The following PIAS1 variants were observed in gnomAD, a reference collection of about 807,000 sequenced individuals.
The protein encoded by PIAS1 is protein inhibitor of activated STAT 1, also known as E3 SUMO-protein ligase PIAS1.
A neutral mutation model predicts 71.3 loss-of-function variants in PIAS1; 6 were observed. The observed-to-expected ratio is 0.08, with a 90% CI of 0.05 to 0.17. The LOEUF is 0.17. PIAS1 is among the 10% of genes least tolerant of loss of function. The pLI is 1.00. For synonymous variants in PIAS1, 303 were observed against 292.9 expected, an observed-to-expected ratio of 1.03 and a Z score of -0.35; for missense variants, 555 against 793.6, an observed-to-expected ratio of 0.70 and a Z score of 3.61.
At chr15:68,074,506 TTGAG>T (rs1282124221) in intron 1 of PIAS1, among the ~76,000 whole-genome samples, 1 of 152,304 alleles carries the variant, frequency 6.6e-6, no homozygotes, top group East Asian at 1.9e-4. Context: ...ATTGGCTGCA[TTGAG>T]TATTTGGAGA....
At chr15:68,074,024 T>G (rs2092129641) in intron 1 of PIAS1, among the ~76,000 whole-genome samples, 1 of 151,978 alleles carries the variant, frequency 6.6e-6, no homozygotes, top group Non-Finnish European at 1.5e-5. Context: ...GACGGGTGAT[T>G]AGGTGGATGG....
chr15:68,123,973 T>C (rs1057088230), intron 2 of PIAS1, among the ~76,000 whole-genome samples: 5 of 39,558 alleles, frequency 1.3e-4, no homozygotes, highest in African/African-American at 4.3e-4. Flanking sequence ...TGTATACATA[T>C]GTGTGAATAT....
chr15:68,172,758 T>C (rs1029537977), intron 8 of PIAS1, among the ~76,000 whole-genome samples: 1 of 152,260 alleles, frequency 6.6e-6, no homozygotes, highest in Non-Finnish European at 1.5e-5. Flanking sequence ...TGCAGGTTTC[T>C]GCGTGGCTTT....
chr15:68,183,182 A>C (rs1354312809), intron 12 of PIAS1, among the ~76,000 whole-genome samples: 1 of 152,144 alleles, frequency 6.6e-6, no homozygotes, highest in African/African-American at 2.4e-5. Context: ...TTAAGAAAGA[A>C]AAATCAGTAC....
In PIAS1 at chr15:68,192,610, G is replaced by T. The variant is rs1376159037; in HGVS notation, c.*4775G>T. 1 of 152,204 alleles carries T rather than the reference G, an allele frequency of 6.6e-6. No homozygotes were observed. The highest frequency in any genetic ancestry group is 2.4e-5 in the African/African-American group (1 of 41,430). 9.4% of individuals were successfully genotyped at this position (152,204 alleles called of 1,614,324 possible). On this transcript the variant is annotated 3_prime_UTR_variant, in exon 14 of 14. Coordinates refer to ENST00000249636, the MANE Select transcript of PIAS1 (RefSeq NM_016166.3). ...TCTCCTTCCTCAGGGCCTTGTTTGG[G>T]TCTGAAGCCACACAGCATCGTTGAG...
Position 68,178,651 on chromosome 15 carries a change from A to G in PIAS1, c.1481+1997A>G, listed in dbSNP as rs748738235. 3.9e-5 allele frequency among the ~76,000 whole-genome samples: 6 copies of G among 152,212 alleles called. No individual in the cohort carries two copies. The East Asian group carries it at 5.8e-4, about 15-fold the overall frequency. ...GATTTTTTTAAGTGCCATAATCACA[A>G]TTTTAAAAGATATTTCATAAACCTC... On this transcript the variant is annotated intron_variant, in intron 11 of 13. Coordinates refer to ENST00000249636, the MANE Select transcript of PIAS1 (RefSeq NM_016166.3). The surrounding 1 kb of genome is among the most constrained non-coding windows in gnomAD (Gnocchi z 4.2).
intron 2 of PIAS1, among the ~76,000 whole-genome samples, chr15:68,108,315 TC>T (rs371359259): frequency 6.6e-6 from 1 of 151,838 alleles, no homozygotes; most frequent in Non-Finnish European, 1.5e-5. Context: ...TGATCTGTTC[TC>T]AGTCTCCAGG....
intron 1 of PIAS1, among the ~76,000 whole-genome samples, chr15:68,082,085 T>G (rs1303037926): frequency 2.0e-5 from 3 of 152,116 alleles, no homozygotes; most frequent in Non-Finnish European, 4.4e-5. Context: ...CTTCAAAATC[T>G]TGACACAACA....
At chr15:68,122,340 C>T (rs765954871) in intron 2 of PIAS1, among the ~76,000 whole-genome samples, 3 of 152,084 alleles carry the variant, frequency 2.0e-5, no homozygotes, top group Non-Finnish European at 2.9e-5. Flanking sequence ...GCGTTGAATA[C>T]TGTGGTGAAC....
In PIAS1 at chr15:68,189,258, C is replaced by T. The variant is rs770229438; in HGVS notation, c.*1423C>T. 2.0e-5 allele frequency: 3 copies of T among 152,124 alleles called. No individual in the cohort carries two copies. Among genetic ancestry groups the T allele is most frequent in the Non-Finnish European group, 4.4e-5 (3 of 68,018 alleles). 9.4% of individuals were successfully genotyped at this position (152,124 alleles called of 1,614,324 possible). ...GTGGTTCTACTAATGTTCCAAAATC[C>T]TCATCAGAGAAGGTATGATGTTCTC... is the stretch of plus-strand genomic sequence containing the variant. On this transcript the variant is annotated 3_prime_UTR_variant, in exon 14 of 14. Coordinates refer to ENST00000249636, the MANE Select transcript of PIAS1 (RefSeq NM_016166.3).
intron 7 of PIAS1, among the ~76,000 whole-genome samples, chr15:68,160,754 C>T (rs1471017139): frequency 6.6e-6 from 1 of 152,154 alleles, no homozygotes; most frequent in African/African-American, 2.4e-5. Flanking sequence ...CCAAATTCAA[C>T]ATCCATTCAT....
intron 2 of PIAS1, among the ~76,000 whole-genome samples, chr15:68,120,295 A>G (rs758809113): frequency 2.6e-5 from 4 of 151,526 alleles, no homozygotes; most frequent in African/African-American, 9.7e-5. Context: ...CAGCCTTTTA[A>G]TTGGGTTATT....
chr15:68,191,899 G>C lies in PIAS1; in HGVS notation c.*4064G>C, dbSNP rs192986031. On this transcript the variant is annotated 3_prime_UTR_variant, in exon 14 of 14. Transcript: ENST00000249636. Reference sequence around the variant, plus strand: ...GAATCCCTTAATGAGCAGGGAGTCCGTGAAGAGGAGCCCCAGGTTCTAATG... The same window carrying C: ...GAATCCCTTAATGAGCAGGGAGTCCCTGAAGAGGAGCCCCAGGTTCTAATG... 2 of 152,194 alleles carry C rather than the reference G, an allele frequency of 1.3e-5. No homozygotes were observed. The highest frequency in any genetic ancestry group is 2.9e-5 in the Non-Finnish European group (2 of 68,028). The allele number at this position is 152,194 out of a possible 1,614,324, so 9.4% of individuals were successfully genotyped here.
intron 2 of PIAS1, among the ~76,000 whole-genome samples, chr15:68,123,563 A>G (rs1567052202): frequency 6.6e-6 from 1 of 152,180 alleles, no homozygotes; most frequent in Admixed American, 6.5e-5. Context: ...GTTGTACTAA[A>G]AAGTGCCTTA....
intron 7 of PIAS1, among the ~76,000 whole-genome samples, chr15:68,163,874 T>C (rs1222918254): frequency 2.6e-5 from 4 of 152,314 alleles, no homozygotes; most frequent in African/African-American, 9.6e-5. Flanking sequence ...TGTTGGAATA[T>C]TACATATATG....
At position 68,182,459 on chromosome 15, in the gene PIAS1, TGTC is replaced by T. The variant is rs2093060060; in HGVS notation, c.1624+1107_1624+1109del. ...GTGTGTGTGTGTGTGTGTGTGTGTG[TGTC>T]GGAGTTTTGCTCTTATTGCTCAGGC... On this transcript the variant is annotated intron_variant, in intron 12 of 13. Coordinates refer to ENST00000249636, the MANE Select transcript of PIAS1 (RefSeq NM_016166.3). 5.1e-5 allele frequency among the ~76,000 whole-genome samples: 7 copies of T among 137,784 alleles called. No homozygotes were observed. The Admixed American group carries it at 5.2e-4, about 10-fold the overall frequency. 90.4% of individuals were successfully genotyped at this position (137,784 alleles called of 152,430 possible). A position where few individuals can be genotyped will look rare whatever the true frequency, so the allele number is the denominator to read the frequency against.
At chr15:68,094,535 A>G (rs1339552993) in intron 2 of PIAS1, among the ~76,000 whole-genome samples, 1 of 152,088 alleles carries the variant, frequency 6.6e-6, no homozygotes, top group Non-Finnish European at 1.5e-5. Flanking sequence ...TTTTCTGCCA[A>G]GGGCTCCTCT....
chr15:68,106,351 CAAAAAA>C (rs11313083), intron 2 of PIAS1, among the ~76,000 whole-genome samples: 11 of 92,862 alleles, frequency 1.2e-4, no homozygotes, highest in African/African-American at 3.5e-4. Context: ...ATGACCTTTG[CAAAAAA>C]AAAAAAAAAA....
chr15:68,054,336 A>G lies in PIAS1; in HGVS notation c.10A>G (p.Ser4Gly), dbSNP rs374155274. The G allele has an allele frequency of 7.0e-6, 11 of 1,577,450 alleles. No individual in the cohort carries two copies. The highest frequency in any genetic ancestry group is 1.8e-5 in the Admixed American group (1 of 55,204). The part of the protein sequence containing the change: MAD[S>G]AELKQMVMSL... ...CGCTGACAGACGCAAGATGGCGGAC[A>G]GTGCGGAACTAAAGGTAAAGCGCAG... The change falls in exon 1 of 14, where the codon AGT (serine) becomes GGT (glycine). Residue 4 changes from serine (S) to glycine (G), a missense_variant. This residue lies in a region of PIAS1 where 48 missense variants were observed against 86.6 expected (regional missense o/e 0.55). Coordinates refer to ENST00000249636, the MANE Select transcript of PIAS1 (RefSeq NM_016166.3). This position sits in a 1 kb window ranked among gnomAD's most constrained non-coding sequence, Gnocchi z 4.6.
Sources: allele counts gnomAD v4.1 joint callset (sites outside exome capture counted in the v4.1 genomes callset), GRCh38; gene constraint gnomAD v4.1.1; regional missense constraint gnomAD v4.1.1; non-coding constraint Gnocchi (gnomAD v3.1); transcripts MANE v1.5; gene names NCBI Gene and HGNC (gene_info 2026-07-23, HGNC 2026-07-21).